The following GRIK3 variants were observed in gnomAD, a reference collection of about 807,000 sequenced individuals.
The protein encoded by GRIK3 is glutamate receptor ionotropic, kainate 3.
GRIK3 carries 29 observed loss-of-function variants against 102.5 expected under a neutral mutation model. The observed-to-expected ratio is 0.28, with a 90% CI of 0.21 to 0.39. The LOEUF (loss-of-function observed/expected upper bound fraction) is 0.39. Ranked by LOEUF, GRIK3 falls within the 10% of genes least tolerant of loss-of-function variation. The pLI is 1.00. For synonymous variants in GRIK3, 511 were observed against 504.9 expected, an observed-to-expected ratio of 1.01 and a Z score of -0.16; for missense variants, 908 against 1,252.4, an observed-to-expected ratio of 0.73 and a Z score of 4.15.
intron 1 of GRIK3, among the ~76,000 whole-genome samples, chr1:36,983,021 C>A (rs1457555506): frequency 1.3e-5 from 2 of 152,208 alleles, no homozygotes; most frequent in African/African-American, 2.4e-5. Context: ...GTGGCTCTGG[C>A]TCCAGCCCTC....
At chr1:36,983,847 T>C (rs770440618) in intron 1 of GRIK3, among the ~76,000 whole-genome samples, 11 of 152,172 alleles carry the variant, frequency 7.2e-5, no homozygotes, top group Admixed American at 1.3e-4. Context: ...TTTCTACAAA[T>C]GCTTATTGGG....
intron 7 of GRIK3, among the ~76,000 whole-genome samples, chr1:36,854,482 G>A (rs898607988): frequency 2.0e-5 from 3 of 152,322 alleles, no homozygotes; most frequent in East Asian, 3.9e-4. Flanking sequence ...GGAAGGCAGA[G>A]GTTGGGGCAG....
intron 1 of GRIK3, among the ~76,000 whole-genome samples, chr1:37,014,186 C>T (rs760479275): frequency 8.5e-5 from 13 of 152,234 alleles, no homozygotes; most frequent in Non-Finnish European, 1.8e-4. Flanking sequence ...AAGAACTATG[C>T]ATTATTTGTT....
intron 3 of GRIK3, among the ~76,000 whole-genome samples, chr1:36,878,394 G>C (rs939946274): frequency 6.6e-6 from 1 of 152,256 alleles, no homozygotes; most frequent in Non-Finnish European, 1.5e-5. Context: ...ATAGATGCTT[G>C]TAGAAGCCTG....
intron 10 of GRIK3, among the ~76,000 whole-genome samples, chr1:36,833,325 A>G (rs868388455): frequency 1.8e-4 from 27 of 152,164 alleles, no homozygotes; most frequent in Middle Eastern, 6.8e-3. Flanking sequence ...CCACCTGAAC[A>G]TTGCTACCCC....
chr1:36,967,103 G>C (rs957596357), intron 1 of GRIK3, among the ~76,000 whole-genome samples: 3 of 152,184 alleles, frequency 2.0e-5, no homozygotes, highest in African/African-American at 2.4e-5. Context: ...AAAAGGAGGG[G>C]CTAAAATTTG....
chr1:36,923,158 G>T (rs532492121), intron 1 of GRIK3, among the ~76,000 whole-genome samples: 1 of 152,346 alleles, frequency 6.6e-6, no homozygotes, highest in East Asian at 1.9e-4. Context: ...AATGTTTCTG[G>T]TTAAATTAAC....
chr1:37,029,001 C>T (rs485719), intron 1 of GRIK3, among the ~76,000 whole-genome samples: 28,215 of 152,232 alleles, frequency 0.19, 3,857 homozygotes, highest in African/African-American at 0.38. Context: ...CATCATATGG[C>T]TGTTGTCATT....
intron 5 of GRIK3, among the ~76,000 whole-genome samples, chr1:36,865,246 G>T (rs1640770536): frequency 1.3e-5 from 2 of 152,206 alleles, no homozygotes; most frequent in Admixed American, 6.5e-5. Flanking sequence ...GCTGATTAAT[G>T]CGAGGTTATC....
At chr1:37,018,086 C>T (rs1236131582) in intron 1 of GRIK3, among the ~76,000 whole-genome samples, 1 of 152,228 alleles carries the variant, frequency 6.6e-6, no homozygotes, top group Non-Finnish European at 1.5e-5. Flanking sequence ...CTCTGCTTCT[C>T]TATCCCATAA....
At chr1:36,857,904 G>C (rs1488906104) in intron 7 of GRIK3, among the ~76,000 whole-genome samples, 1 of 152,198 alleles carries the variant, frequency 6.6e-6, no homozygotes, top group Non-Finnish European at 1.5e-5. Flanking sequence ...GTGCACAGGC[G>C]AGTCTGTTTT....
chr1:36,811,783 G>T (rs888594295), intron 13 of GRIK3, among the ~76,000 whole-genome samples: 1 of 152,196 alleles, frequency 6.6e-6, no homozygotes, highest in Admixed American at 6.5e-5. Flanking sequence ...CCTCCTGTAT[G>T]CCTGGCTCTG....
intron 6 of GRIK3, 100 bp downstream of exon 6, chr1:36,859,744 G>T: frequency 1.0e-6 from 1 of 973,994 alleles, no homozygotes; most frequent in Non-Finnish European, 1.6e-6. Context: ...GTCTCAAGAA[G>T]AGAAGTGGTG....
At chr1:36,871,443 C>T (rs1640842732) in intron 4 of GRIK3, among the ~76,000 whole-genome samples, 1 of 152,222 alleles carries the variant, frequency 6.6e-6, no homozygotes, top group South Asian at 2.1e-4. Context: ...AATGCCTCCT[C>T]CAGTCACCAG....
intron 11 of GRIK3, among the ~76,000 whole-genome samples, chr1:36,822,964 T>TCAGGC (rs1557693108): frequency 6.6e-6 from 1 of 152,054 alleles, no homozygotes; most frequent in East Asian, 1.9e-4. Flanking sequence ...GCCAAACAGG[T>TCAGGC]CAGGCCAGGC....
chr1:36,921,472 G>T (rs747142698), intron 1 of GRIK3, among the ~76,000 whole-genome samples: 1 of 152,176 alleles, frequency 6.6e-6, no homozygotes, highest in Non-Finnish European at 1.5e-5. Context: ...ACCTCTGAAC[G>T]ATATCTCGAT....
chr1:36,992,662 C>T (rs1642374997), intron 1 of GRIK3, among the ~76,000 whole-genome samples: 1 of 152,154 alleles, frequency 6.6e-6, no homozygotes, highest in South Asian at 2.1e-4. Flanking sequence ...GTGCTCCTAC[C>T]TAGGCTCAGT....
intron 1 of GRIK3, among the ~76,000 whole-genome samples, chr1:36,954,351 G>C (rs1375626451): frequency 2.0e-5 from 3 of 152,222 alleles, no homozygotes; most frequent in Non-Finnish European, 4.4e-5. Context: ...CAGCATCAGA[G>C]GACTTGCTCA....
intron 1 of GRIK3, among the ~76,000 whole-genome samples, chr1:36,949,539 TTTTC>T (rs796292724): frequency 6.6e-6 from 1 of 151,766 alleles, no homozygotes; most frequent in Non-Finnish European, 1.5e-5. Context: ...CATGTCTTTC[TTTTC>T]TTTCTTTTTT....
Sources: allele counts gnomAD v4.1 joint callset (sites outside exome capture counted in the v4.1 genomes callset), GRCh38; gene constraint gnomAD v4.1.1; transcripts MANE v1.5; gene names NCBI Gene and HGNC (gene_info 2026-07-23, HGNC 2026-07-21).